The following CNNM3 variants were observed in gnomAD, a reference collection of about 807,000 sequenced individuals.
CNNM3 encodes the protein metal transporter CNNM3.
In CNNM3, 47 loss-of-function variants were observed where a neutral mutation model predicts 57.1. The observed-to-expected ratio is 0.82, with a 90% CI of 0.65 to 1.05. The LOEUF (loss-of-function observed/expected upper bound fraction) is 1.05. Ranked by LOEUF, CNNM3 falls within the 50% of genes least tolerant of loss-of-function variation. The pLI is 0.00. For synonymous variants in CNNM3, 507 were observed against 478.2 expected (o/e 1.06, Z -0.79); for missense variants, 957 against 973.7 (o/e 0.98, Z 0.23).
At position 96,832,594 on chromosome 2, in the gene CNNM3, C is replaced by T; in HGVS notation, c.2102C>T (p.Pro701Leu). ...SRPGVPVEGSPGRNPGV is the reference protein window; with the variant it reads ...SRPGVPVEGSLGRNPGV ...CCCGGCGTCCCGGTGGAAGGCAGCC[C>T]TGGGCGGAACCCAGGCGTTTAACGG... Residue 701 changes from proline (P) to leucine (L), a missense_variant, in exon 8 of 8, where the codon CCT (proline) becomes CTT (leucine). This residue lies in a region of CNNM3 where 491 missense variants were observed against 570.6 expected (regional missense o/e 0.86). Coordinates refer to ENST00000305510, the MANE Select transcript of CNNM3 (RefSeq NM_017623.5). 3.7e-6 allele frequency: 6 copies of T among 1,614,104 alleles called. No homozygotes were observed. Among genetic ancestry groups the T allele is most frequent in the Non-Finnish European group, 5.1e-6 (6 of 1,180,034 alleles).
chr2:96,817,645 A>G (rs1418420044), intron 1 of CNNM3, 143 bp downstream of exon 1: 5 of 766,884 alleles, frequency 6.5e-6, no homozygotes, highest in African/African-American at 1.7e-5. Context: ...TCAAGACGGT[A>G]TTGGCCTTGC....
chr2:96,828,902 G>A (rs1043952852), intron 6 of CNNM3, 94 bp from the exon 7 acceptor site: 1 of 1,555,884 alleles, frequency 6.4e-7, no homozygotes, highest in Non-Finnish European at 8.8e-7. Context: ...TTAAAGTTGT[G>A]CCTCTGTCCT....
At chr2:96,817,591 G>T (rs750030730) in intron 1 of CNNM3, 89 bp downstream of exon 1, 9 of 1,334,824 alleles carry the variant, frequency 6.7e-6, no homozygotes, top group African/African-American at 4.3e-5. Context: ...TTCTGGAAAG[G>T]GTCCCACCCC....
At chr2:96,831,676 C>T (rs2079604590) in intron 7 of CNNM3, among the ~76,000 whole-genome samples, 1 of 152,224 alleles carries the variant, frequency 6.6e-6, no homozygotes, top group Admixed American at 6.5e-5. Context: ...GACCCCTGGC[C>T]TACTATTTCA....
rs1174630839 is a variant in CNNM3, at chr2:96,834,205, A to G, written c.*1589A>G. On this transcript the variant is annotated 3_prime_UTR_variant, in exon 8 of 8. Transcript: ENST00000305510. The stretch of plus-strand genomic sequence containing the variant: ...AGTGCTGGGATTATAGGTGTGAGCT[A>G]AGATCAGGGATTCTTAACCTTGGCT... Among the ~76,000 whole-genome samples the G allele has an allele frequency of 6.6e-6, 1 of 152,112 alleles. No homozygotes were observed. Among genetic ancestry groups the G allele is most frequent in the Non-Finnish European group, 1.5e-5 (1 of 68,030 alleles).
At chr2:96,821,063 A>G (rs983588570) in intron 1 of CNNM3, among the ~76,000 whole-genome samples, 1 of 152,078 alleles carries the variant, frequency 6.6e-6, no homozygotes, top group Non-Finnish European at 1.5e-5. Flanking sequence ...CTTGGAAGAC[A>G]GTGGGGGAGG....
In CNNM3 at chr2:96,828,173, G is replaced by C; in HGVS notation, c.1764G>C (p.Ser588=). The C allele has an allele frequency of 6.2e-7, 1 of 1,613,992 alleles. No homozygotes were observed. The highest frequency in any genetic ancestry group is 1.1e-5 in the South Asian group (1 of 91,068). Residue 588 remains serine (S), a synonymous_variant, in exon 5 of 8, where the codon TCG becomes TCC. Coordinates refer to ENST00000305510, the MANE Select transcript of CNNM3 (RefSeq NM_017623.5). ...GGGCCTTCACGTACTATGGAGTGTC[G>C]GCCCTAACTGTGCCATCCTCGGGTA... ...ENGAFTYYGV[S]ALTVPSSVHQ...
At position 96,822,025 on chromosome 2, in the gene CNNM3, A is replaced by G. The variant is rs1444552681; in HGVS notation, c.1226-3033A>G. On this transcript the variant is annotated intron_variant, in intron 1 of 7. Transcript: ENST00000305510. ...TTATTATTTTTTTTTTTTTTTTGAGATGGAGTGTTGCTCTCTTGCCAGGCT... is the reference window on the plus strand; with the variant it reads ...TTATTATTTTTTTTTTTTTTTTGAGGTGGAGTGTTGCTCTCTTGCCAGGCT... Among the ~76,000 whole-genome samples the G allele has an allele frequency of 3.5e-5, 5 of 144,098 alleles. No homozygotes were observed. The East Asian group carries it at 8.1e-4, about 23-fold the overall frequency. 94.5% of individuals were successfully genotyped at this position (144,098 alleles called of 152,430 possible). A position where few individuals can be genotyped will look rare whatever the true frequency, so the allele number is the denominator to read the frequency against.
intron 1 of CNNM3, among the ~76,000 whole-genome samples, chr2:96,821,747 T>C (rs2079409868): frequency 6.6e-6 from 1 of 152,232 alleles, no homozygotes; most frequent in Non-Finnish European, 1.5e-5. Context: ...ACCTTAAACA[T>C]GCTCAGAACA....
intron 7 of CNNM3, chr2:96,832,286 G>T (rs897981578): frequency 4.1e-6 from 4 of 985,250 alleles, no homozygotes; most frequent in Admixed American, 1.2e-4. Context: ...GTATCGTCCC[G>T]GGAAGGTGCC....
At chr2:96,820,661 G>A (rs189230738) in intron 1 of CNNM3, among the ~76,000 whole-genome samples, 278 of 152,294 alleles carry the variant, frequency 1.8e-3, no homozygotes, top group Middle Eastern at 3.4e-3. Context: ...ACAGGATGCC[G>A]TTGACCTTTG....
At chr2:96,832,383 C>T in intron 7 of CNNM3, 169 bp from the exon 8 acceptor site, 1 of 1,491,770 alleles carries the variant, frequency 6.7e-7, no homozygotes. Flanking sequence ...CATCTGTTGG[C>T]TGACCATCTG....
Position 96,825,046 on chromosome 2 carries a change from C to T in CNNM3, c.1226-12C>T, listed in dbSNP as rs1574107063. On this transcript the variant is annotated splice_polypyrimidine_tract_variant and intron_variant, in intron 1 of 7. Coordinates refer to ENST00000305510, the MANE Select transcript of CNNM3 (RefSeq NM_017623.5). ...CCCAGCAAGCTGTTCCATGAGTGTCCTCCCCCCACAGGGAAGTCCCACCTG... is the reference window on the plus strand; with the variant it reads ...CCCAGCAAGCTGTTCCATGAGTGTCTTCCCCCCACAGGGAAGTCCCACCTG... 1 of 1,612,120 alleles carries T rather than the reference C, an allele frequency of 6.2e-7. No homozygotes were observed. The highest frequency in any genetic ancestry group is 8.5e-7 in the Non-Finnish European group (1 of 1,179,882).
At chr2:96,822,821 AATTGGGC>A (rs2079430586) in intron 1 of CNNM3, among the ~76,000 whole-genome samples, 1 of 152,228 alleles carries the variant, frequency 6.6e-6, no homozygotes, top group South Asian at 2.1e-4. Context: ...ACATCATAGA[AATTGGGC>A]ATTATGAAAG....
intron 2 of CNNM3, 34 bp downstream of exon 2, chr2:96,825,235 T>C: frequency 6.2e-7 from 1 of 1,611,710 alleles, no homozygotes; most frequent in Non-Finnish European, 8.5e-7. Context: ...CTGTCTCCGC[T>C]GGGCCTGCAC....
chr2:96,828,270 C>A, intron 5 of CNNM3, 75 bp downstream of exon 5: 1 of 1,195,112 alleles, frequency 8.4e-7, no homozygotes. Flanking sequence ...CACTTGGGCT[C>A]TCAGTGCCCC....
chr2:96,823,460 G>A (rs2079441610), intron 1 of CNNM3, among the ~76,000 whole-genome samples: 1 of 152,190 alleles, frequency 6.6e-6, no homozygotes. Context: ...CGTGGCCCAT[G>A]TAGAGACGGC....
chr2:96,816,995 C>G lies in CNNM3; in HGVS notation c.718C>G (p.Pro240Ala). 1 of 1,364,602 alleles carries G rather than the reference C, an allele frequency of 7.3e-7. No individual in the cohort carries two copies. The highest frequency in any genetic ancestry group is 9.5e-7 in the Non-Finnish European group (1 of 1,052,856). The allele number at this position is 1,364,602 out of a possible 1,614,324, so 84.5% of individuals were successfully genotyped here. Reference protein sequence around the residue: ...GLVFLVGEVVPAAVSGRWTLA... With the variant: ...GLVFLVGEVVAAAVSGRWTLA... The stretch of plus-strand genomic sequence containing the variant: ...CGTGTTCCTGGTGGGAGAGGTGGTG[C>G]CGGCCGCCGTGAGCGGGCGCTGGAC... Residue 240 changes from proline to alanine, a missense_variant, in exon 1 of 8, where the codon CCG (proline) becomes GCG (alanine). Transcript: ENST00000305510.
intron 1 of CNNM3, among the ~76,000 whole-genome samples, chr2:96,823,836 T>C (rs1307082898): frequency 6.6e-6 from 1 of 152,170 alleles, no homozygotes; most frequent in Non-Finnish European, 1.5e-5. Context: ...CCTGGACCTG[T>C]GCCGCCCAGG....
Sources: allele counts gnomAD v4.1 joint callset (sites outside exome capture counted in the v4.1 genomes callset), GRCh38; gene constraint gnomAD v4.1.1; regional missense constraint gnomAD v4.1.1; transcripts MANE v1.5; gene names NCBI Gene and HGNC (gene_info 2026-07-23, HGNC 2026-07-21).